SLC16A7: variants seen among roughly 807,000 people sequenced by gnomAD.
The protein encoded by SLC16A7 is monocarboxylate transporter 2.
A neutral mutation model predicts 34.9 loss-of-function variants in SLC16A7; 33 were observed. The ratio of observed to expected loss-of-function variants is 0.94; its 90% CI spans 0.72 to 1.26. SLC16A7 has a LOEUF of 1.26. Ranked by LOEUF, SLC16A7 falls within the 50% of genes most tolerant of loss-of-function variation. The probability of loss-of-function intolerance (pLI) is 0.00; values close to 1 mark genes in which losing one functional copy is unlikely to be tolerated. For synonymous variants in SLC16A7, 201 were observed against 206.6 expected (o/e 0.97, Z 0.23); for missense variants, 573 against 578.1 (o/e 0.99, Z 0.09).
At chr12:59,642,304 CT>C (rs1383923481) in intron 1 of SLC16A7, among the ~76,000 whole-genome samples, 1 of 151,944 alleles carries the variant, frequency 6.6e-6, no homozygotes. Context: ...TCTAACCATT[CT>C]TTTTTTCTGG....
At chr12:59,625,176 TGGA>T (rs1879873924) in intron 1 of SLC16A7, among the ~76,000 whole-genome samples, 1 of 151,768 alleles carries the variant, frequency 6.6e-6, no homozygotes, top group South Asian at 2.1e-4. Context: ...ATTTGAAATA[TGGA>T]GGAGTTTTCT....
At chr12:59,674,475 A>G (rs1404040333) in intron 2 of SLC16A7, among the ~76,000 whole-genome samples, 2 of 152,206 alleles carry the variant, frequency 1.3e-5, no homozygotes, top group Non-Finnish European at 2.9e-5. Context: ...ACTAGGTTCA[A>G]GGAGCTTAGA....
Position 59,757,246 on chromosome 12 carries a change from T to TA in SLC16A7, c.218-13970dup, listed in dbSNP as rs1473844880. 1.4e-4 allele frequency among the ~76,000 whole-genome samples: 21 copies of TA among 149,678 alleles called. No individual in the cohort carries two copies. In the East Asian group the frequency reaches 3.1e-3, roughly 22 times the overall value. On this transcript the variant is annotated intron_variant, in intron 3 of 5. Transcript: ENST00000547379. ...CATTGTGCACATGTACCCCAAAACT[T>TA]AAAGTATAATAATAATAAAATAAAA...
In SLC16A7 at chr12:59,784,743, A is replaced by G. The variant is rs1044906474; in HGVS notation, c.*5064A>G. The G allele has an allele frequency of 3.9e-5, 6 of 152,206 alleles. No homozygotes were observed. Among genetic ancestry groups the G allele is most frequent in the Non-Finnish European group, 8.8e-5 (6 of 68,034 alleles). 9.4% of individuals were successfully genotyped at this position (152,206 alleles called of 1,614,324 possible). A position where few individuals can be genotyped will look rare whatever the true frequency, so the allele number is the denominator to read the frequency against. On this transcript the variant is annotated 3_prime_UTR_variant, in exon 6 of 6. Coordinates refer to ENST00000547379, the MANE Select transcript of SLC16A7 (RefSeq NM_001270623.2). ...CGCTGCATTCTTCTCAAAGTCAGCCATGATGCACATATTTATAATTACATA... is the reference window on the plus strand; with the variant it reads ...CGCTGCATTCTTCTCAAAGTCAGCCGTGATGCACATATTTATAATTACATA...
chr12:59,693,234 T>C (rs935331304), intron 2 of SLC16A7, among the ~76,000 whole-genome samples: 2 of 152,002 alleles, frequency 1.3e-5, no homozygotes, highest in Admixed American at 1.3e-4. Flanking sequence ...ACATTATTTC[T>C]AAACTGTATT....
chr12:59,673,539 T>G lies in SLC16A7; in HGVS notation c.-31+18289T>G, dbSNP rs1870063658. On this transcript the variant is annotated intron_variant, in intron 2 of 5. Transcript: ENST00000547379. ...AGTAATTTTTGTTAGCAATAAAATA[T>G]TTCACATGAGCACTTAATTAGTATA... Among the ~76,000 whole-genome samples, 4 of 152,074 alleles carry G rather than the reference T, an allele frequency of 2.6e-5. No homozygotes were observed. In the South Asian group the frequency reaches 8.3e-4, roughly 32 times the overall value.
chr12:59,685,186 A>G (rs1043715030), intron 2 of SLC16A7, among the ~76,000 whole-genome samples: 11 of 152,216 alleles, frequency 7.2e-5, no homozygotes, highest in African/African-American at 2.7e-4. Context: ...TTTAGGTTAT[A>G]TTTAACTATG....
Position 59,781,132 on chromosome 12 carries a change from G to A in SLC16A7, c.*1453G>A, listed in dbSNP as rs989880156. 1 of 152,010 alleles carries A rather than the reference G, an allele frequency of 6.6e-6. No homozygotes were observed. The highest frequency in any genetic ancestry group is 1.5e-5 in the Non-Finnish European group (1 of 67,998). 9.4% of individuals were successfully genotyped at this position (152,010 alleles called of 1,614,324 possible). A position where few individuals can be genotyped will look rare whatever the true frequency, so the allele number is the denominator to read the frequency against. ...TTTTCATAACTATGTGAAAACATCT[G>A]GGAATTTGAATCACTCCTGAATACA... On this transcript the variant is annotated 3_prime_UTR_variant, in exon 6 of 6. Transcript: ENST00000547379.
chr12:59,663,611 T>C (rs1344489394), intron 2 of SLC16A7, among the ~76,000 whole-genome samples: 2 of 152,092 alleles, frequency 1.3e-5, no homozygotes, highest in Non-Finnish European at 2.9e-5. Flanking sequence ...TAGACTGCTT[T>C]TGGTTGTCAG....
rs1156672879 is a variant in SLC16A7 at position 59,634,799 on chromosome 12, C to T, written c.-129-20353C>T. ...TTTTTGTAAATTAAAACAATTTTAT[C>T]TTGAATGCTCTACAGTGGGTGATAG... is the stretch of plus-strand genomic sequence containing the variant. On this transcript the variant is annotated intron_variant, in intron 1 of 5. Coordinates refer to ENST00000547379, the MANE Select transcript of SLC16A7 (RefSeq NM_001270623.2). Among the ~76,000 whole-genome samples, 3 of 151,954 alleles carry T rather than the reference C, an allele frequency of 2.0e-5. No individual in the cohort carries two copies. The East Asian group carries it at 5.8e-4, about 30-fold the overall frequency.
chr12:59,775,708 G>A (rs893869836), intron 5 of SLC16A7, among the ~76,000 whole-genome samples: 5 of 152,052 alleles, frequency 3.3e-5, no homozygotes. Flanking sequence ...ATGTTAGACT[G>A]ATAATTAGTA....
intron 3 of SLC16A7, among the ~76,000 whole-genome samples, chr12:59,726,675 T>G (rs1037658658): frequency 7.2e-5 from 11 of 152,148 alleles, no homozygotes; most frequent in Non-Finnish European, 1.5e-4. Context: ...CCAGGAGATC[T>G]GATTTCTAGT....
chr12:59,726,881 C>T (rs1163554211), intron 3 of SLC16A7, among the ~76,000 whole-genome samples: 1 of 151,884 alleles, frequency 6.6e-6, no homozygotes, highest in African/African-American at 2.4e-5. Context: ...ATCAGATTGT[C>T]TAGAGATTTA....
chr12:59,768,800 C>A (rs1046357301), intron 3 of SLC16A7, among the ~76,000 whole-genome samples: 1 of 151,964 alleles, frequency 6.6e-6, no homozygotes, highest in Non-Finnish European at 1.5e-5. Flanking sequence ...AATTCAAGAC[C>A]AGCCTGGGCA....
intron 3 of SLC16A7, among the ~76,000 whole-genome samples, chr12:59,753,849 C>G (rs1251776763): frequency 5.3e-5 from 8 of 152,182 alleles, no homozygotes; most frequent in South Asian, 2.1e-4. Flanking sequence ...TGACCACATA[C>G]TTGGAAGTAA....
intron 3 of SLC16A7, among the ~76,000 whole-genome samples, chr12:59,736,676 T>G (rs1234160661): frequency 6.6e-6 from 1 of 152,200 alleles, no homozygotes. Context: ...CCAGCCTCGT[T>G]GGAACTCACT....
rs986058395 is a variant in SLC16A7 at position 59,616,827 on chromosome 12, A to AT, written c.-130+20594dup. ...TTTCACATTTTTCCCAACATTCATT[A>AT]TTTAAAAGGTTACTAGAACTTATTT... On this transcript the variant is annotated intron_variant, in intron 1 of 5. Transcript: ENST00000547379. 1.9e-4 allele frequency among the ~76,000 whole-genome samples: 29 copies of AT among 152,272 alleles called. 1 individual carries two copies. The highest frequency in any genetic ancestry group is 5.5e-4 in the African/African-American group (23 of 41,560).
intron 3 of SLC16A7, among the ~76,000 whole-genome samples, chr12:59,718,493 T>C (rs1403961904): frequency 2.0e-5 from 3 of 152,152 alleles, no homozygotes; most frequent in Admixed American, 6.6e-5. Flanking sequence ...AGATACTCGA[T>C]ACCTCTCTGC....
chr12:59,640,466 A>C (rs1174143239), intron 1 of SLC16A7, among the ~76,000 whole-genome samples: 1 of 152,130 alleles, frequency 6.6e-6, no homozygotes, highest in Non-Finnish European at 1.5e-5. Context: ...TCACTTTTCC[A>C]AGCATTAGGA....
Sources: gnomAD v4.1 joint callset for allele counts (sites outside exome capture counted in the v4.1 genomes callset) on GRCh38, gnomAD v4.1.1 for gene constraint, MANE v1.5 for transcripts, NCBI Gene and HGNC (gene_info 2026-07-23, HGNC 2026-07-21) for gene names.